The following SHROOM3 variants were observed in gnomAD, a reference collection of about 807,000 sequenced individuals.
SHROOM3 encodes the protein protein Shroom3.
In SHROOM3, 47 loss-of-function variants were observed where a neutral mutation model predicts 138.6. The observed-to-expected ratio is 0.34, with a 90% confidence interval of 0.27 to 0.43. The LOEUF is 0.43. SHROOM3 is among the 20% of genes least tolerant of loss of function. SHROOM3 has a pLI of 1.00. For synonymous variants in SHROOM3, 1,062 were observed against 1,063.3 expected, an observed-to-expected ratio of 1.00 and a Z score of 0.02; for missense variants, 2,491 against 2,596.5, an observed-to-expected ratio of 0.96 and a Z score of 0.88.
chr4:76,608,455 G>A (rs1403243940), intron 2 of SHROOM3, among the ~76,000 whole-genome samples: 5 of 152,184 alleles, frequency 3.3e-5, no homozygotes, highest in African/African-American at 1.2e-4. Context: ...ATCACCTGTT[G>A]TTCTCTCAGT....
At chr4:76,444,803 A>G (rs1455258900) in intron 1 of SHROOM3, among the ~76,000 whole-genome samples, 1 of 151,940 alleles carries the variant, frequency 6.6e-6, no homozygotes, top group Non-Finnish European at 1.5e-5. Context: ...CAGTTTTCTC[A>G]TCTTTCAAAG....
At chr4:76,629,274 A>C (rs1162124203) in intron 2 of SHROOM3, among the ~76,000 whole-genome samples, 1 of 152,194 alleles carries the variant, frequency 6.6e-6, no homozygotes, top group African/African-American at 2.4e-5. Flanking sequence ...TAAGGCCAAG[A>C]CCATGCCTGG....
chr4:76,740,340 C>T lies in SHROOM3; in HGVS notation c.2167C>T (p.Pro723Ser). 1.2e-6 allele frequency: 2 copies of T among 1,613,084 alleles called. No homozygotes were observed. Among genetic ancestry groups the T allele is most frequent in the Non-Finnish European group, 1.7e-6 (2 of 1,180,022 alleles). Residue 723 changes from proline to serine, a missense_variant, in exon 5 of 11, where the codon CCG becomes TCG. Around this residue, in one of 4 missense-constraint regions of SHROOM3, gnomAD observed 1,733 missense variants for 1,661.6 expected, o/e 1.04. Coordinates refer to ENST00000296043, the MANE Select transcript of SHROOM3 (RefSeq NM_020859.4). The surrounding 1 kb of genome is among the most constrained non-coding windows in gnomAD (Gnocchi z 4.0). ...GSHLDRQVSY[P>S]RPEGRTGASA... is the part of the protein sequence containing the mutation. ...CCATCTGGACCGGCAGGTTTCCTAC[C>T]CGCGGCCCGAGGGGAGGACCGGTGC... is the stretch of plus-strand genomic sequence containing the variant.
intron 2 of SHROOM3, among the ~76,000 whole-genome samples, chr4:76,674,220 T>C (rs1206105399): frequency 3.3e-5 from 5 of 152,294 alleles, no homozygotes; most frequent in African/African-American, 1.2e-4. Context: ...CTTTTCTGAT[T>C]CTGTATAATG....
chr4:76,740,906 C>T lies in SHROOM3; in HGVS notation c.2733C>T (p.Pro911=). 1 of 1,505,234 alleles carries T rather than the reference C, an allele frequency of 6.6e-7. No individual in the cohort carries two copies. The highest frequency in any genetic ancestry group is 8.8e-7 in the Non-Finnish European group (1 of 1,130,316). 93.2% of individuals were successfully genotyped at this position (1,505,234 alleles called of 1,614,324 possible). The change falls in exon 5 of 11, where the codon CCC becomes CCT. Residue 911 remains proline (P), a synonymous_variant. Transcript: ENST00000296043. The surrounding 1 kb of genome is among the most constrained non-coding windows in gnomAD (Gnocchi z 4.0). Reference sequence around the variant, plus strand: ...AGTGGCGGGACAGGCCCGGCTCGCCCGAATCGCCCCTGCTGGATGCCCCCT... The same window carrying T: ...AGTGGCGGGACAGGCCCGGCTCGCCTGAATCGCCCCTGCTGGATGCCCCCT... ...EPEWRDRPGS[P]ESPLLDAPFS...
At chr4:76,531,162 A>G (rs1289073027) in intron 1 of SHROOM3, among the ~76,000 whole-genome samples, 1 of 152,188 alleles carries the variant, frequency 6.6e-6, no homozygotes, top group Non-Finnish European at 1.5e-5. Flanking sequence ...TGGTAACCCT[A>G]AAAGCACTGA....
At chr4:76,732,860 A>C (rs536315258) in intron 4 of SHROOM3, among the ~76,000 whole-genome samples, 15 of 152,330 alleles carry the variant, frequency 9.8e-5, no homozygotes, top group Non-Finnish European at 1.3e-4. Flanking sequence ...TAGTACCTAC[A>C]TCATTGGATT....
At chr4:76,688,268 G>A in intron 2 of SHROOM3, 2 of 402,196 alleles carry the variant, frequency 5.0e-6, no homozygotes, top group Non-Finnish European at 6.7e-6. Flanking sequence ...ATGGCAGGGA[G>A]GAGCCTGTCC....
At chr4:76,764,021 T>C (rs895465639) in intron 9 of SHROOM3, among the ~76,000 whole-genome samples, 1 of 152,214 alleles carries the variant, frequency 6.6e-6, no homozygotes, top group East Asian at 1.9e-4. Context: ...TAATTTGTTA[T>C]TTAATATTTA....
At chr4:76,702,822 G>A (rs1329671646) in intron 2 of SHROOM3, among the ~76,000 whole-genome samples, 2 of 152,186 alleles carry the variant, frequency 1.3e-5, no homozygotes, top group Non-Finnish European at 2.9e-5. Flanking sequence ...ACTGATGTCA[G>A]CAGTAAACTG....
At chr4:76,499,123 C>A (rs753719982) in intron 1 of SHROOM3, among the ~76,000 whole-genome samples, 1 of 152,164 alleles carries the variant, frequency 6.6e-6, no homozygotes, top group Admixed American at 6.5e-5. Flanking sequence ...AACTAAAACT[C>A]GGAGGTACCT....
chr4:76,436,258 GT>G, intron 1 of SHROOM3, 38 bp downstream of exon 1: 2 of 1,610,522 alleles, frequency 1.2e-6, no homozygotes, highest in Admixed American at 1.7e-5. Context: ...TATTCAAATT[GT>G]TTTTTTCAAC....
At chr4:76,750,566 A>G (rs571246513) in intron 6 of SHROOM3, among the ~76,000 whole-genome samples, 14 of 152,312 alleles carry the variant, frequency 9.2e-5, no homozygotes, top group Admixed American at 3.3e-4. Context: ...ATCAGGTACT[A>G]TGCTTACCTG....
intron 6 of SHROOM3, 115 bp from the exon 7 acceptor site, chr4:76,754,196 G>A: frequency 7.3e-7 from 1 of 1,372,644 alleles, no homozygotes; most frequent in Non-Finnish European, 1.0e-6. Flanking sequence ...TCTGGGGGAA[G>A]GAAAAGAGGT....
In SHROOM3 at chr4:76,546,828, CT is replaced by C. The variant is rs1733230308; in HGVS notation, c.169-8780del. On this transcript the variant is annotated intron_variant, in intron 1 of 10. Transcript: ENST00000296043. ...TGAAGTGCCCCTCAATCACATACCCCTGCCTTTATCTTCATCTAGGAATGAA... is the reference window on the plus strand; with the variant it reads ...TGAAGTGCCCCTCAATCACATACCCCGCCTTTATCTTCATCTAGGAATGAA... Among the ~76,000 whole-genome samples the C allele has an allele frequency of 6.6e-5, 10 of 152,326 alleles. No homozygotes were observed. In the South Asian group the frequency reaches 2.1e-3, roughly 32 times the overall value.
chr4:76,500,970 C>T (rs1289619615), intron 1 of SHROOM3, among the ~76,000 whole-genome samples: 1 of 152,056 alleles, frequency 6.6e-6, no homozygotes, highest in Non-Finnish European at 1.5e-5. Flanking sequence ...CCACACTTGG[C>T]TAATTTTTAA....
chr4:76,674,427 C>G (rs189534124), intron 2 of SHROOM3, among the ~76,000 whole-genome samples: 2 of 152,038 alleles, frequency 1.3e-5, no homozygotes, highest in African/African-American at 2.4e-5. Flanking sequence ...CTCCTCATAA[C>G]GTGAGGATTG....
At chr4:76,680,255 C>G (rs1233020293) in intron 2 of SHROOM3, among the ~76,000 whole-genome samples, 2 of 151,970 alleles carry the variant, frequency 1.3e-5, no homozygotes, top group East Asian at 3.9e-4. Context: ...ATTCTCCTGC[C>G]TCAGCCTACC....
intron 1 of SHROOM3, among the ~76,000 whole-genome samples, chr4:76,481,490 G>C (rs1398193160): frequency 6.6e-6 from 1 of 151,208 alleles, no homozygotes; most frequent in Non-Finnish European, 1.5e-5. Context: ...ATAATTAATA[G>C]CCTGCCAACC....
Sources: allele counts gnomAD v4.1 joint callset (sites outside exome capture counted in the v4.1 genomes callset), GRCh38; gene constraint gnomAD v4.1.1; regional missense constraint gnomAD v4.1.1; non-coding constraint Gnocchi (gnomAD v3.1); transcripts MANE v1.5; gene names NCBI Gene and HGNC (gene_info 2026-07-23, HGNC 2026-07-21).